Variants in ERP27 observed in about 807,000 individuals in gnomAD.
ERP27 encodes endoplasmic reticulum protein 27.
ERP27 carries 23 observed loss-of-function variants against 27.7 expected under a neutral mutation model. The observed-to-expected ratio is 0.83, with a 90% CI of 0.60 to 1.18. The LOEUF is 1.18. Ranked by LOEUF, ERP27 falls within the 50% of genes most tolerant of loss-of-function variation. ERP27 has a pLI of 0.00. For missense variants in ERP27, 363 were observed against 327.9 expected (o/e 1.11, Z -0.83); for synonymous variants, 159 against 118.3 (o/e 1.34, Z -2.23).
chr12:14,916,071 C>T (rs1259145222), intron 5 of ERP27, among the ~76,000 whole-genome samples: 1 of 152,068 alleles, frequency 6.6e-6, no homozygotes, highest in Non-Finnish European at 1.5e-5. Flanking sequence ...CAATTTGGTG[C>T]TGGGCTTAAT....
At chr12:14,920,234 A>G (rs1354659477) in intron 4 of ERP27, among the ~76,000 whole-genome samples, 2 of 152,200 alleles carry the variant, frequency 1.3e-5, no homozygotes, top group African/African-American at 4.8e-5. Context: ...ACCTTTACTC[A>G]GATTGCATGC....
intron 3 of ERP27, among the ~76,000 whole-genome samples, chr12:14,925,848 C>A (rs2430703): frequency 6.6e-6 from 1 of 151,810 alleles, no homozygotes; most frequent in Admixed American, 6.6e-5. Context: ...GGTGGGTAGA[C>A]CACAAGGTCA....
chr12:14,925,168 G>A (rs1273760612), intron 3 of ERP27, among the ~76,000 whole-genome samples: 3 of 152,138 alleles, frequency 2.0e-5, no homozygotes, highest in Non-Finnish European at 1.5e-5. Flanking sequence ...GACTCACCCT[G>A]AATTCTTTCT....
chr12:14,938,435 G>T lies in ERP27; in HGVS notation c.74C>A (p.Ala25Glu). Residue 25 changes from alanine to glutamate, a missense_variant, in exon 1 of 7, where the codon GCA becomes GAA. By Grantham distance (107) the Ala-to-Glu change is moderately radical. Coordinates refer to ENST00000266397, the MANE Select transcript of ERP27 (RefSeq NM_152321.4). The part of the protein sequence containing the change: ...LTCELAAEVA[A>E]EVEKSSDGPG... ...TTTACCTGAGGATTTCTCAACTTCT[G>T]CAGCAACTTCTGCAGCCAGCTCACA... 1 of 1,614,012 alleles carries T rather than the reference G, an allele frequency of 6.2e-7. No individual in the cohort carries two copies. The highest frequency in any genetic ancestry group is 8.5e-7 in the Non-Finnish European group (1 of 1,179,974).
chr12:14,931,582 G>C (rs958666964), intron 3 of ERP27, among the ~76,000 whole-genome samples: 14 of 152,104 alleles, frequency 9.2e-5, no homozygotes, highest in African/African-American at 3.4e-4. Flanking sequence ...GAGGTCCCAA[G>C]AGTTCATTTA....
At chr12:14,922,529 G>A (rs1170074101) in intron 3 of ERP27, among the ~76,000 whole-genome samples, 1 of 151,906 alleles carries the variant, frequency 6.6e-6, no homozygotes, top group African/African-American at 2.4e-5. Context: ...TGAGTCCTTT[G>A]TTGGTTCTAT....
At chr12:14,937,543 C>T (rs1182988620) in intron 2 of ERP27, among the ~76,000 whole-genome samples, 1 of 152,184 alleles carries the variant, frequency 6.6e-6, no homozygotes, top group African/African-American at 2.4e-5. Flanking sequence ...GGATGTTTGG[C>T]ATCCTGTAAA....
At chr12:14,935,046 C>T in intron 2 of ERP27, 53 bp from the exon 3 acceptor site, 1 of 1,580,714 alleles carries the variant, frequency 6.3e-7, no homozygotes, top group Non-Finnish European at 8.6e-7. Context: ...AGGGCAGAGA[C>T]AAACGATAGG....
chr12:14,915,645 C>T lies in ERP27; in HGVS notation c.618G>A (p.Gly206=), dbSNP rs200928136. 6.2e-7 allele frequency: 1 copy of T among 1,614,176 alleles called. No homozygotes were observed. Among genetic ancestry groups the T allele is most frequent in the African/African-American group, 1.3e-5 (1 of 75,042 alleles). ...TTAGTTTGAAAAATGATATCACCTT[C>T]CCATTTTCTTTCATACCACTGTCCA... ...ILVDSGMKEN[G]KVISFFKLKE... Residue 206 remains glycine (G), a synonymous_variant, in exon 6 of 7, where the codon GGG becomes GGA. Transcript: ENST00000266397.
Position 14,914,703 on chromosome 12 carries a change from G to A in ERP27, c.*32C>T. 1 of 1,596,566 alleles carries A rather than the reference G, an allele frequency of 6.3e-7. No homozygotes were observed. On this transcript the variant is annotated 3_prime_UTR_variant, in exon 7 of 7. Transcript: ENST00000266397. ...GTGCCTTTTTACTTTGCATAAAGTAGATACTTGGCCATATGTAGTTCCAAG... is the reference window on the plus strand; with the variant it reads ...GTGCCTTTTTACTTTGCATAAAGTAAATACTTGGCCATATGTAGTTCCAAG...
intron 4 of ERP27, 98 bp from the exon 5 acceptor site, chr12:14,917,401 C>G: frequency 5.3e-6 from 8 of 1,509,760 alleles, no homozygotes; most frequent in Non-Finnish European, 7.3e-6. Flanking sequence ...TAAATGAGAG[C>G]TGGCCACTGG....
rs1409038312 is a variant in ERP27 at position 14,923,092 on chromosome 12, AT to A, written c.334-2045del. Among the ~76,000 whole-genome samples the A allele has an allele frequency of 3.7e-4, 51 of 139,496 alleles. No homozygotes were observed. In the East Asian group the frequency reaches 9.7e-3, roughly 27 times the overall value. 91.5% of individuals were successfully genotyped at this position (139,496 alleles called of 152,430 possible). On this transcript the variant is annotated intron_variant, in intron 3 of 6. Transcript: ENST00000266397. ...CTGTCTCAAAAAAAAAAAAAAAAAA[AT>A]GCTAAGATCCTTGATTTTTGTATTA...
At chr12:14,935,428 T>A (rs1863760099) in intron 2 of ERP27, among the ~76,000 whole-genome samples, 1 of 152,214 alleles carries the variant, frequency 6.6e-6, no homozygotes, top group Admixed American at 6.5e-5. Flanking sequence ...ATTTACTCAT[T>A]CCTGCATGTA....
intron 5 of ERP27, among the ~76,000 whole-genome samples, chr12:14,916,650 A>G (rs1863414966): frequency 6.6e-6 from 1 of 152,186 alleles, no homozygotes; most frequent in Non-Finnish European, 1.5e-5. Context: ...TTTTATTACC[A>G]GACAGTTCTC....
intron 4 of ERP27, among the ~76,000 whole-genome samples, chr12:14,919,077 G>A (rs927454241): frequency 1.3e-5 from 2 of 152,164 alleles, no homozygotes; most frequent in Non-Finnish European, 2.9e-5. Context: ...TTAAAAGTGC[G>A]TGGCAGGTCA....
intron 3 of ERP27, among the ~76,000 whole-genome samples, chr12:14,930,241 A>G (rs1445588317): frequency 6.6e-6 from 1 of 152,208 alleles, no homozygotes; most frequent in Non-Finnish European, 1.5e-5. Flanking sequence ...ATCTTCTTGC[A>G]TTTCTTATCA....
At chr12:14,915,737 G>C in intron 5 of ERP27, 51 bp from the exon 6 acceptor site, 1 of 1,512,498 alleles carries the variant, frequency 6.6e-7, no homozygotes, top group Non-Finnish European at 9.1e-7. Context: ...GTGACGTCCA[G>C]GGATAAAGAG....
intron 1 of ERP27, 136 bp from the exon 2 acceptor site, chr12:14,938,188 A>G (rs1343161652): frequency 2.5e-6 from 2 of 798,964 alleles, no homozygotes; most frequent in Non-Finnish European, 4.1e-6. Flanking sequence ...TGGCATTCCA[A>G]GGCATAATAT....
chr12:14,931,932 T>C (rs1024997120), intron 3 of ERP27, among the ~76,000 whole-genome samples: 3 of 152,186 alleles, frequency 2.0e-5, no homozygotes, highest in Non-Finnish European at 4.4e-5. Context: ...TGCCTAACCT[T>C]CCATATATTC....
Sources: allele counts gnomAD v4.1 joint callset (sites outside exome capture counted in the v4.1 genomes callset), GRCh38; gene constraint gnomAD v4.1.1; transcripts MANE v1.5; gene names NCBI Gene and HGNC (gene_info 2026-07-23, HGNC 2026-07-21).